The following NALF1 variants were observed in gnomAD, a reference collection of about 807,000 sequenced individuals.
The protein encoded by NALF1 is family with sequence similarity 155 member A.
NALF1 carries 3 observed loss-of-function variants against 48.4 expected under a neutral mutation model. The observed-to-expected ratio is 0.06, with a 90% CI of 0.03 to 0.16. The LOEUF is 0.16. Ranked by LOEUF, NALF1 falls within the 10% of genes least tolerant of loss-of-function variation. The pLI is 1.00. For missense variants in NALF1, 526 were observed against 571.5 expected (o/e 0.92, Z 0.81); for synonymous variants, 262 against 245.7 (o/e 1.07, Z -0.62).
intron 1 of NALF1, among the ~76,000 whole-genome samples, chr13:107,783,361 G>T (rs1877977156): frequency 6.6e-6 from 1 of 151,942 alleles, no homozygotes; most frequent in Non-Finnish European, 1.5e-5. Flanking sequence ...TCTGGGAGGT[G>T]TGCCCAACAG....
intron 1 of NALF1, among the ~76,000 whole-genome samples, chr13:107,838,049 A>G (rs1879947744): frequency 6.6e-6 from 1 of 152,172 alleles, no homozygotes; most frequent in African/African-American, 2.4e-5. Flanking sequence ...GTTCAGACTG[A>G]ACTTCCAAAT....
At chr13:107,213,530 G>A (rs542335584) in intron 1 of NALF1, among the ~76,000 whole-genome samples, 7 of 152,240 alleles carry the variant, frequency 4.6e-5, no homozygotes, top group East Asian at 1.9e-4. Flanking sequence ...GAAAACAAGT[G>A]GGGGAAACCA....
intron 1 of NALF1, among the ~76,000 whole-genome samples, chr13:107,576,962 C>G (rs1285196633): frequency 6.6e-6 from 1 of 152,122 alleles, no homozygotes; most frequent in Non-Finnish European, 1.5e-5. Context: ...AACTCGGGGT[C>G]AATTCCCTTA....
intron 1 of NALF1, among the ~76,000 whole-genome samples, chr13:107,707,986 A>AC (rs1875448875): frequency 6.8e-6 from 1 of 147,812 alleles, no homozygotes; most frequent in Non-Finnish European, 1.5e-5. Flanking sequence ...AATCCACCCT[A>AC]CCCCCCACCC....
At chr13:107,825,075 C>G (rs1240802581) in intron 1 of NALF1, among the ~76,000 whole-genome samples, 3 of 152,072 alleles carry the variant, frequency 2.0e-5, no homozygotes, top group Non-Finnish European at 4.4e-5. Context: ...GGCAACACTA[C>G]TAATAATAAA....
chr13:107,676,966 G>A (rs562046432), intron 1 of NALF1, among the ~76,000 whole-genome samples: 8 of 152,228 alleles, frequency 5.3e-5, no homozygotes, highest in African/African-American at 1.4e-4. Context: ...ACAGATTTAT[G>A]GCTTTGATGA....
In NALF1 at chr13:107,866,090, C is replaced by T. The variant is rs750421259; in HGVS notation, c.507G>A (p.Glu169=). 9.4e-5 allele frequency: 151 copies of T among 1,612,880 alleles called. No individual in the cohort carries two copies. The highest frequency in any genetic ancestry group is 2.0e-4 in the Admixed American group (12 of 60,006). Residue 169 remains glutamate, a synonymous_variant, in exon 1 of 3, where the codon GAG becomes GAA. Coordinates refer to ENST00000375915, the MANE Select transcript of NALF1 (RefSeq NM_001080396.3). The surrounding 1 kb of genome is among the most constrained non-coding windows in gnomAD (Gnocchi z 4.4). ...AGGACGCGCCCTGGGGGTAACAAGTCTCCAGGCGCCACACGGGCTTGGCAG... is the reference window on the plus strand; with the variant it reads ...AGGACGCGCCCTGGGGGTAACAAGTTTCCAGGCGCCACACGGGCTTGGCAG... The part of the protein sequence containing the change: ...GNSAKPVWRL[E]TCYPQGASSG...
chr13:107,753,868 A>G (rs2138555034), intron 1 of NALF1, among the ~76,000 whole-genome samples: 1 of 152,276 alleles, frequency 6.6e-6, no homozygotes, highest in Middle Eastern at 3.4e-3. Flanking sequence ...TCTGTGATGC[A>G]GCAGGACTGG....
intron 1 of NALF1, among the ~76,000 whole-genome samples, chr13:107,636,752 T>C (rs904113328): frequency 1.3e-5 from 2 of 151,860 alleles, no homozygotes; most frequent in African/African-American, 4.8e-5. Context: ...AAAGTTATTT[T>C]CTATTTTTCT....
At chr13:107,320,543 T>C (rs1413180254) in intron 1 of NALF1, among the ~76,000 whole-genome samples, 1 of 152,106 alleles carries the variant, frequency 6.6e-6, no homozygotes, top group African/African-American at 2.4e-5. Flanking sequence ...ATGATGAACC[T>C]AGAATGGGTA....
chr13:107,798,727 G>A (rs966340450), intron 1 of NALF1, among the ~76,000 whole-genome samples: 1 of 152,152 alleles, frequency 6.6e-6, no homozygotes, highest in Non-Finnish European at 1.5e-5. Context: ...AATAGAGTTT[G>A]CCACTATGAG....
intron 1 of NALF1, among the ~76,000 whole-genome samples, chr13:107,859,548 G>A (rs146382755): frequency 6.6e-6 from 1 of 152,262 alleles, no homozygotes; most frequent in East Asian, 1.9e-4. Flanking sequence ...ACAACTGTAA[G>A]TCATTAACAA....
At chr13:107,680,050 A>G (rs1399124479) in intron 1 of NALF1, among the ~76,000 whole-genome samples, 1 of 152,156 alleles carries the variant, frequency 6.6e-6, no homozygotes, top group Non-Finnish European at 1.5e-5. Context: ...AGACCTCCCA[A>G]GCATGGCTGC....
At chr13:107,619,027 C>A (rs1879457341) in intron 1 of NALF1, among the ~76,000 whole-genome samples, 1 of 152,140 alleles carries the variant, frequency 6.6e-6, no homozygotes, top group Non-Finnish European at 1.5e-5. Context: ...TGGAAATATT[C>A]CCATTTGTGC....
chr13:107,317,186 A>G (rs1056306908), intron 1 of NALF1, among the ~76,000 whole-genome samples: 6 of 152,152 alleles, frequency 3.9e-5, no homozygotes, highest in African/African-American at 1.2e-4. Context: ...AGCAAAATGA[A>G]AGATTATCTA....
intron 1 of NALF1, among the ~76,000 whole-genome samples, chr13:107,572,556 C>T (rs1346121524): frequency 6.6e-6 from 1 of 152,136 alleles, no homozygotes; most frequent in African/African-American, 2.4e-5. Context: ...CCAGGATTCT[C>T]GTGACTTCTA....
chr13:107,255,895 A>G (rs972526993), intron 1 of NALF1, among the ~76,000 whole-genome samples: 2 of 152,120 alleles, frequency 1.3e-5, no homozygotes, highest in Middle Eastern at 3.2e-3. Context: ...TCAATGGATG[A>G]ACACATTTAT....
chr13:107,686,708 T>C (rs1398495060), intron 1 of NALF1, among the ~76,000 whole-genome samples: 4 of 151,446 alleles, frequency 2.6e-5, no homozygotes, highest in African/African-American at 9.7e-5. Flanking sequence ...ATGCTCAATA[T>C]AACAATCATC....
chr13:107,270,945 G>A (rs1881153288), intron 1 of NALF1, among the ~76,000 whole-genome samples: 1 of 151,964 alleles, frequency 6.6e-6, no homozygotes, highest in Admixed American at 6.6e-5. Flanking sequence ...ATAGTTTGCT[G>A]AGAATGATGG....
Sources: gnomAD v4.1 joint callset for allele counts (sites outside exome capture counted in the v4.1 genomes callset) on GRCh38, gnomAD v4.1.1 for gene constraint, Gnocchi (gnomAD v3.1) non-coding constraint, MANE v1.5 for transcripts, NCBI Gene and HGNC (gene_info 2026-07-23, HGNC 2026-07-21) for gene names.